The following CEP164 variants were observed in gnomAD, a reference collection of about 807,000 sequenced individuals.
CEP164 encodes the protein centrosomal protein of 164 kDa.
A neutral mutation model predicts 182.7 loss-of-function variants in CEP164; 162 were observed. The ratio of observed to expected loss-of-function variants is 0.89; its 90% confidence interval spans 0.78 to 1.01. The LOEUF (loss-of-function observed/expected upper bound fraction) is 1.01. Among genes scored for constraint, CEP164 ranks in the 50% least tolerant of loss-of-function variants. The pLI, the probability that CEP164 is intolerant of heterozygous loss-of-function variation, is 0.00. For synonymous variants in CEP164, 661 were observed against 690.0 expected, an observed-to-expected ratio of 0.96 and a Z score of 0.66; for missense variants, 1,735 against 1,790.4, an observed-to-expected ratio of 0.97 and a Z score of 0.56.
chr11:117,373,670 C>CTGAACAG lies in CEP164; in HGVS notation c.1153-81_1153-80insTGAACAG, dbSNP rs2042447842. The CTGAACAG allele has an allele frequency of 2.4e-6, 3 of 1,260,532 alleles. No individual in the cohort carries two copies. The Admixed American group carries it at 5.2e-5, about 22-fold the overall frequency. 78.1% of individuals were successfully genotyped at this position (1,260,532 alleles called of 1,614,324 possible). A position where few individuals can be genotyped will look rare whatever the true frequency, so the allele number is the denominator to read the frequency against. ...CCTGAGCCCTATATTGGCCCCATGG[C>CTGAACAG]CTGAACAGAATTCCCTGGGTAGGGA... is the stretch of plus-strand genomic sequence containing the variant. On this transcript the variant is annotated intron_variant, in intron 9 of 32. Transcript: ENST00000278935.
At chr11:117,369,173 G>A (rs1178862399) in intron 8 of CEP164, among the ~76,000 whole-genome samples, 1 of 152,210 alleles carries the variant, frequency 6.6e-6, no homozygotes, top group Non-Finnish European at 1.5e-5. Context: ...GAATGTGTAA[G>A]TCTCATTACA....
chr11:117,407,224 C>T (rs1375808029), intron 27 of CEP164, among the ~76,000 whole-genome samples: 11 of 152,150 alleles, frequency 7.2e-5, no homozygotes, highest in Non-Finnish European at 1.5e-4. Context: ...AGAGGGGCAG[C>T]TTCCCAGGGT....
At chr11:117,358,790 T>G (rs1666825750) in intron 5 of CEP164, among the ~76,000 whole-genome samples, 1 of 152,086 alleles carries the variant, frequency 6.6e-6, no homozygotes, top group African/African-American at 2.4e-5. Context: ...CTGCCTTGGC[T>G]TCCGAAAGTA....
chr11:117,387,380 C>G lies in CEP164; in HGVS notation c.1902C>G (p.Leu634=), dbSNP rs1351184319. The change falls in exon 15 of 33, where the codon CTC becomes CTG. Residue 634 remains leucine, a synonymous_variant. Coordinates refer to ENST00000278935, the MANE Select transcript of CEP164 (RefSeq NM_014956.5). ...GCCAAGAGGAGGAAGAGGAGATCCTCCGGCTTCACCAGCAGAAAGAGCAAT... is the reference window on the plus strand; with the variant it reads ...GCCAAGAGGAGGAAGAGGAGATCCTGCGGCTTCACCAGCAGAAAGAGCAAT... The part of the protein sequence containing the change: ...KLCQEEEEEI[L]RLHQQKEQSL... 6.2e-7 allele frequency: 1 copy of G among 1,614,134 alleles called. No individual in the cohort carries two copies. Among genetic ancestry groups the G allele is most frequent in the Non-Finnish European group, 8.5e-7 (1 of 1,180,024 alleles).
In CEP164 at chr11:117,392,353, G is replaced by A. The variant is rs1043500428; in HGVS notation, c.2361+50G>A. 8 of 1,585,382 alleles carry A rather than the reference G, an allele frequency of 5.0e-6. No homozygotes were observed. In the East Asian group the frequency reaches 1.8e-4, roughly 36 times the overall value. On this transcript the variant is annotated intron_variant, in intron 18 of 32. Transcript: ENST00000278935. Reference sequence around the variant, plus strand: ...CTTCATGGCTGATTAGCAGAATTCAGCCCCATCCCTGGCTACTAGGCAGCG... The same window carrying A: ...CTTCATGGCTGATTAGCAGAATTCAACCCCATCCCTGGCTACTAGGCAGCG...
At chr11:117,361,334 G>A (rs1456889214) in intron 5 of CEP164, among the ~76,000 whole-genome samples, 1 of 140,276 alleles carries the variant, frequency 7.1e-6, no homozygotes. Context: ...TCTGCCTCCC[G>A]GTTTCAAGTG....
intron 8 of CEP164, among the ~76,000 whole-genome samples, chr11:117,368,224 G>A (rs1227589039): frequency 6.6e-6 from 1 of 152,224 alleles, no homozygotes; most frequent in African/African-American, 2.4e-5. Context: ...GATCAAGAAA[G>A]GCATCCTGGA....
Position 117,411,086 on chromosome 11 carries a change from C to T in CEP164, c.4163+192C>T, listed in dbSNP as rs2047299167. On this transcript the variant is annotated intron_variant, in intron 31 of 32. Coordinates refer to ENST00000278935, the MANE Select transcript of CEP164 (RefSeq NM_014956.5). The surrounding 1 kb of genome is among the most constrained non-coding windows in gnomAD (Gnocchi z 4.4). Reference sequence around the variant, plus strand: ...CGCCCCTCCATGACCAGGGGAAAGTCAAGTTCACACCGCCAAGGTCCCAGT... The same window carrying T: ...CGCCCCTCCATGACCAGGGGAAAGTTAAGTTCACACCGCCAAGGTCCCAGT... 3.5e-6 allele frequency: 2 copies of T among 576,032 alleles called. No individual in the cohort carries two copies. Among genetic ancestry groups the T allele is most frequent in the Non-Finnish European group, 6.3e-6 (2 of 319,362 alleles). 35.7% of individuals were successfully genotyped at this position (576,032 alleles called of 1,614,324 possible).
At chr11:117,386,817 A>T (rs2044012615) in intron 14 of CEP164, 2 of 214,108 alleles carry the variant, frequency 9.3e-6, no homozygotes, top group Admixed American at 1.0e-4. Context: ...GCAGAGCTCT[A>T]GCGGGGAGGT....
rs1414421050 is a variant in CEP164 at position 117,394,983 on chromosome 11, T to A, written c.2824T>A (p.Leu942Met). Reference protein sequence around the residue: ...ETRAKDVKARLALLEVQEETA... With the variant: ...ETRAKDVKARMALLEVQEETA... ...CAGAGCTAAAGATGTCAAGGCCAGA[T>A]TGGCTCTGCTGGAGGTCCAGGTGAG... Residue 942 changes from leucine to methionine, a missense_variant, in exon 22 of 33, where the codon TTG (leucine) becomes ATG (methionine). Coordinates refer to ENST00000278935, the MANE Select transcript of CEP164 (RefSeq NM_014956.5). The surrounding 1 kb of genome is among the most constrained non-coding windows in gnomAD (Gnocchi z 4.0). The A allele has an allele frequency of 6.2e-7, 1 of 1,614,044 alleles. No individual in the cohort carries two copies. The highest frequency in any genetic ancestry group is 1.3e-5 in the African/African-American group (1 of 74,920).
intron 5 of CEP164, chr11:117,355,154 C>T: frequency 7.8e-7 from 1 of 1,289,868 alleles, no homozygotes; most frequent in Non-Finnish European, 1.0e-6. Context: ...CAAAGGCCAA[C>T]CTTCCCAAAT....
At chr11:117,349,003 T>C (rs776447443) in intron 4 of CEP164, among the ~76,000 whole-genome samples, 1 of 152,206 alleles carries the variant, frequency 6.6e-6, no homozygotes, top group South Asian at 2.1e-4. Flanking sequence ...TTCCATTGCA[T>C]GTATATACAA....
At position 117,390,913 on chromosome 11, in the gene CEP164, G is replaced by A. The variant is rs754697395; in HGVS notation, c.2066+5G>A. The A allele has an allele frequency of 6.2e-7, 1 of 1,613,784 alleles. No homozygotes were observed. The highest frequency in any genetic ancestry group is 8.5e-7 in the Non-Finnish European group (1 of 1,179,996). On this transcript the variant is annotated splice_donor_5th_base_variant and intron_variant, in intron 16 of 32. Transcript: ENST00000278935. The stretch of plus-strand genomic sequence containing the variant: ...AGCAGATGAGGACCAAATCAGGTAA[G>A]TGTGTGCTTACCTGTGAGCTGCCCA...
chr11:117,389,002 C>T (rs2044279023), intron 15 of CEP164, among the ~76,000 whole-genome samples: 1 of 151,856 alleles, frequency 6.6e-6, no homozygotes, highest in Non-Finnish European at 1.5e-5. Context: ...GATCTCCTGA[C>T]CTGATGATCC....
intron 11 of CEP164, among the ~76,000 whole-genome samples, chr11:117,377,201 G>A (rs576135904): frequency 1.3e-5 from 2 of 152,208 alleles, no homozygotes; most frequent in South Asian, 4.2e-4. Context: ...ATGGGGCCAG[G>A]GGTGGGGGCA....
chr11:117,400,751 G>T (rs1182581404), intron 27 of CEP164, among the ~76,000 whole-genome samples: 2 of 152,194 alleles, frequency 1.3e-5, no homozygotes, highest in Non-Finnish European at 2.9e-5. Flanking sequence ...TGTAGCAACT[G>T]TGAATGGGAG....
chr11:117,375,646 G>A (rs2042663363), intron 10 of CEP164, 62 bp from the exon 11 acceptor site: 1 of 1,411,976 alleles, frequency 7.1e-7, no homozygotes, highest in South Asian at 1.2e-5. Flanking sequence ...GTAGTGAAGA[G>A]GCCTGGTGGG....
rs781479000 is a variant in CEP164 at position 117,392,269 on chromosome 11, G to A, written c.2327G>A (p.Arg776Gln). 39 of 1,611,636 alleles carry A rather than the reference G, an allele frequency of 2.4e-5. No individual in the cohort carries two copies. Among genetic ancestry groups the A allele is most frequent in the Non-Finnish European group, 3.1e-5 (36 of 1,179,614 alleles). The change falls in exon 18 of 33, where the codon CGG becomes CAG. Residue 776 changes from arginine to glutamine, a missense_variant. By Grantham distance (43) the Arg-to-Gln change is conservative (BLOSUM62 1). Coordinates refer to ENST00000278935, the MANE Select transcript of CEP164 (RefSeq NM_014956.5). ...LEKEHSAELERLCSSLEAKHR... is the reference protein window; with the variant it reads ...LEKEHSAELEQLCSSLEAKHR... ...AAGGAGCACAGTGCTGAGCTGGAGCGGCTCTGCTCCTCATTGGAGGCCAAG... is the reference window on the plus strand; with the variant it reads ...AAGGAGCACAGTGCTGAGCTGGAGCAGCTCTGCTCCTCATTGGAGGCCAAG...
At position 117,392,900 on chromosome 11, in the gene CEP164, T is replaced by G. The variant is rs512520; in HGVS notation, c.2494-104T>G. 0.11 allele frequency: 171,806 copies of G among 1,529,544 alleles called. 12,624 individuals are homozygous for G. Among genetic ancestry groups the G allele is most frequent in the African/African-American group, 0.33 (23,969 of 73,618 alleles). The allele number at this position is 1,529,544 out of a possible 1,614,324, so 94.7% of individuals were successfully genotyped here. ...TGTGATGTGCATGTGTTGTGTGTGT[T>G]GGGGGAGATTGGGGAAATGTGTGTA... On this transcript the variant is annotated intron_variant, in intron 19 of 32. Transcript: ENST00000278935.
Sources: gnomAD v4.1 joint callset for allele counts (sites outside exome capture counted in the v4.1 genomes callset) on GRCh38, gnomAD v4.1.1 for gene constraint, Gnocchi (gnomAD v3.1) non-coding constraint, MANE v1.5 for transcripts, NCBI Gene and HGNC (gene_info 2026-07-23, HGNC 2026-07-21) for gene names.